The following PIK3C2G variants were observed in gnomAD, a reference collection of about 807,000 sequenced individuals.
PIK3C2G encodes the protein phosphatidylinositol-4-phosphate 3-kinase catalytic subunit type 2 gamma.
A neutral mutation model predicts 181.1 loss-of-function variants in PIK3C2G; 168 were observed. That is an observed-to-expected ratio of 0.93 (90% CI 0.82 to 1.05). The LOEUF is 1.05. Among genes scored for constraint, PIK3C2G ranks in the 50% least tolerant of loss-of-function variants. The pLI is 0.00. For synonymous variants in PIK3C2G, 573 were observed against 592.2 expected (o/e 0.97, Z 0.47); for missense variants, 1,869 against 1,732.8 (o/e 1.08, Z -1.40).
the PIK3C2G span, among the ~76,000 whole-genome samples, chr12:18,725,646 T>A: frequency 1.3e-5 from 2 of 152,112 alleles, no homozygotes; most frequent in African/African-American, 2.4e-5. Flanking sequence ...TCCAAGGCCA[T>A]CTAAAATGTC....
chr12:18,540,190 GTCTTAAAATTTTCAACTTAATGAGGAAGA>G (rs1246592062), intron 25 of PIK3C2G, among the ~76,000 whole-genome samples: 2 of 151,772 alleles, frequency 1.3e-5, no homozygotes, highest in East Asian at 3.9e-4. Flanking sequence ...GAGACCCAGA[GTCTTAAAATTTTCAACTTAATGAGGAAGA>G]TAAAATTTAT....
chr12:18,365,708 C>A (rs1276595637), intron 12 of PIK3C2G, among the ~76,000 whole-genome samples: 2 of 152,140 alleles, frequency 1.3e-5, no homozygotes, highest in Admixed American at 6.6e-5. Flanking sequence ...CAGTTATATA[C>A]CTTTAAATAC....
chr12:18,575,728 T>C (rs1435410190), intron 29 of PIK3C2G, among the ~76,000 whole-genome samples: 1 of 152,190 alleles, frequency 6.6e-6, no homozygotes, highest in African/African-American at 2.4e-5. Context: ...GGAAAAGTCG[T>C]GCTAGGCAAA....
chr12:18,680,653 GGAA>G, the PIK3C2G span, among the ~76,000 whole-genome samples: 1 of 152,052 alleles, frequency 6.6e-6, no homozygotes, highest in Non-Finnish European at 1.5e-5. Context: ...ACAAGATAAT[GGAA>G]GAAGTCAGAA....
At chr12:18,679,042 T>G in the PIK3C2G span, among the ~76,000 whole-genome samples, 232 of 152,208 alleles carry the variant, frequency 1.5e-3, 1 homozygote, top group Non-Finnish European at 2.1e-4. Context: ...TAACGATAAC[T>G]CATTATAGTG....
intron 28 of PIK3C2G, among the ~76,000 whole-genome samples, chr12:18,564,332 G>A (rs1480011868): frequency 6.6e-6 from 1 of 151,368 alleles, no homozygotes; most frequent in Non-Finnish European, 1.5e-5. Flanking sequence ...TTGCATTTAG[G>A]TTAATCAGAT....
chr12:18,430,646 A>G (rs1320467305), intron 18 of PIK3C2G, among the ~76,000 whole-genome samples: 2 of 152,194 alleles, frequency 1.3e-5, no homozygotes, highest in Non-Finnish European at 2.9e-5. Context: ...TCAGAGGTCA[A>G]CTAAGAGCTG....
At position 18,347,680 on chromosome 12, in the gene PIK3C2G, A is replaced by G. The variant is rs11044042; in HGVS notation, c.1625+844A>G. The stretch of plus-strand genomic sequence containing the variant: ...CAAAAAATTAGCAGGGCATGATGGC[A>G]CGTGCCTGTAATCCCAGCTACTCTG... On this transcript the variant is annotated intron_variant, in intron 11 of 32. Transcript: ENST00000538779. 4.1e-3 allele frequency among the ~76,000 whole-genome samples: 629 copies of G among 152,112 alleles called. 1 individual carries two copies. Among genetic ancestry groups the G allele is most frequent in the African/African-American group, 0.014 (593 of 41,504 alleles).
rs148831166 is a variant in PIK3C2G, at chr12:18,363,360, G to A, written c.1748+474G>A. On this transcript the variant is annotated intron_variant, in intron 12 of 32. Transcript: ENST00000538779. Reference sequence around the variant, plus strand: ...TATAGATGTGTAAGCTTAATTTGGGGTGACTGGCTCCCACTTCCTTCTTCT... The same window carrying A: ...TATAGATGTGTAAGCTTAATTTGGGATGACTGGCTCCCACTTCCTTCTTCT... Among the ~76,000 whole-genome samples the A allele has an allele frequency of 7.6e-3, 1,160 of 152,172 alleles. 19 individuals carry two copies. Among genetic ancestry groups the A allele is most frequent in the African/African-American group, 0.027 (1,109 of 41,532 alleles).
chr12:18,502,535 G>C (rs1408377150), intron 22 of PIK3C2G, among the ~76,000 whole-genome samples: 1 of 152,148 alleles, frequency 6.6e-6, no homozygotes, highest in Non-Finnish European at 1.5e-5. Flanking sequence ...ATCCCTGAGA[G>C]AGCTTTAAGT....
rs540484892 is a variant in PIK3C2G, at chr12:18,632,795, G to C, written c.4183-7634G>C. Among the ~76,000 whole-genome samples the C allele has an allele frequency of 1.1e-4, 16 of 152,312 alleles. No homozygotes were observed. In the East Asian group the frequency reaches 2.9e-3, roughly 28 times the overall value. Reference sequence around the variant, plus strand: ...ATTCTATTCAGGATTTGATGCATTAGATTAATGCCCACCCACCCTGGGGAT... The same window carrying C: ...ATTCTATTCAGGATTTGATGCATTACATTAATGCCCACCCACCCTGGGGAT... On this transcript the variant is annotated intron_variant, in intron 31 of 32. Transcript: ENST00000538779.
At chr12:18,416,349 A>G (rs568920233) in intron 16 of PIK3C2G, among the ~76,000 whole-genome samples, 1 of 152,356 alleles carries the variant, frequency 6.6e-6, no homozygotes, top group South Asian at 2.1e-4. Context: ...AGCTGCAGCA[A>G]GTTATCCATA....
chr12:18,534,908 GA>G (rs1472800127), intron 24 of PIK3C2G, among the ~76,000 whole-genome samples: 3 of 149,426 alleles, frequency 2.0e-5, no homozygotes, highest in Non-Finnish European at 3.0e-5. Context: ...CACTAATCTA[GA>G]AAAAAAAAGT....
At chr12:18,279,135 T>C (rs1949106628) in intron 1 of PIK3C2G, among the ~76,000 whole-genome samples, 2 of 152,108 alleles carry the variant, frequency 1.3e-5, no homozygotes, top group Non-Finnish European at 2.9e-5. Context: ...CTACATGTTA[T>C]ACTAGTATGT....
In PIK3C2G at chr12:18,286,874, G is replaced by T; in HGVS notation, c.706G>T (p.Glu236Ter). 1 of 1,570,094 alleles carries T rather than the reference G, an allele frequency of 6.4e-7. No homozygotes were observed. The highest frequency in any genetic ancestry group is 1.4e-5 in the African/African-American group (1 of 73,698). ...ESIGCSIQLV[E>*]VPQSSNTSLA... ...AATAGGTTGTTCCATTCAGCTAGTG[G>T]AAGTACCTCAAAGCAGCAATACGAG... is the stretch of plus-strand genomic sequence containing the variant. Residue 236 changes from glutamate to a stop codon, truncating the protein, a stop_gained, in exon 3 of 33, where the codon GAA becomes TAA. Coordinates refer to ENST00000538779, the MANE Select transcript of PIK3C2G (RefSeq NM_001288772.2). LOFTEE classifies it high-confidence loss of function.
At chr12:18,509,802 G>T (rs1270882857) in intron 24 of PIK3C2G, among the ~76,000 whole-genome samples, 2 of 152,184 alleles carry the variant, frequency 1.3e-5, no homozygotes, top group Non-Finnish European at 2.9e-5. Flanking sequence ...GGCTTTAGCT[G>T]TGAGACTAGA....
chr12:18,523,615 C>T (rs1460580713), intron 24 of PIK3C2G, among the ~76,000 whole-genome samples: 1 of 152,220 alleles, frequency 6.6e-6, no homozygotes, highest in East Asian at 1.9e-4. Context: ...ATGCTCCCTC[C>T]ATGGGTAACT....
At chr12:18,693,971 T>A in the PIK3C2G span, 2 of 1,511,480 alleles carry the variant, frequency 1.3e-6, no homozygotes, top group African/African-American at 2.8e-5. Flanking sequence ...CAAGGCAGTC[T>A]GTACAGAAGC....
chr12:18,340,533 C>A (rs778764220), intron 9 of PIK3C2G, among the ~76,000 whole-genome samples: 5 of 152,044 alleles, frequency 3.3e-5, no homozygotes, highest in African/African-American at 4.8e-5. Flanking sequence ...GTCAGTATAA[C>A]AAGGTAGTGA....
Sources: allele counts gnomAD v4.1 joint callset (sites outside exome capture counted in the v4.1 genomes callset), GRCh38; gene constraint gnomAD v4.1.1; transcripts MANE v1.5; gene names NCBI Gene and HGNC (gene_info 2026-07-23, HGNC 2026-07-21).